The following PELI2 variants were observed in gnomAD, a reference collection of about 807,000 sequenced individuals.
PELI2 encodes the protein pellino E3 ubiquitin protein ligase family member 2, also known as E3 ubiquitin-protein ligase pellino homolog 2.
Under a neutral mutation model 42.3 loss-of-function variants are expected in PELI2, and 23 were observed. That is an observed-to-expected ratio of 0.54 (90% CI 0.39 to 0.77). The LOEUF (loss-of-function observed/expected upper bound fraction) is 0.77, where lower values mean the gene tolerates loss of function less well. Among genes scored for constraint, PELI2 ranks in the 30% least tolerant of loss-of-function variants. PELI2 has a pLI of 0.00. For missense variants in PELI2, 463 were observed against 553.2 expected, an observed-to-expected ratio of 0.84 and a Z score of 1.64; for synonymous variants, 245 against 212.2, an observed-to-expected ratio of 1.15 and a Z score of -1.34.
chr14:56,170,754 A>C (rs1330264962), intron 1 of PELI2, among the ~76,000 whole-genome samples: 1 of 152,220 alleles, frequency 6.6e-6, no homozygotes, highest in Non-Finnish European at 1.5e-5. Flanking sequence ...TTACTTGGTT[A>C]AGTTTCTTAC....
chr14:56,227,924 A>T (rs1022582020), intron 2 of PELI2, among the ~76,000 whole-genome samples: 1 of 152,262 alleles, frequency 6.6e-6, no homozygotes, highest in Non-Finnish European at 1.5e-5. Context: ...AGTAAATTTT[A>T]AAGTTACCCA....
At chr14:56,295,273 T>C (rs1346169795) in intron 5 of PELI2, among the ~76,000 whole-genome samples, 1 of 152,142 alleles carries the variant, frequency 6.6e-6, no homozygotes, top group Non-Finnish European at 1.5e-5. Context: ...AGTTCTTTTA[T>C]AGTTACCTAA....
chr14:56,205,369 G>A (rs903866875), intron 2 of PELI2, among the ~76,000 whole-genome samples: 3 of 152,136 alleles, frequency 2.0e-5, no homozygotes, highest in African/African-American at 4.8e-5. Context: ...TAATGTGAAC[G>A]AGTCTTGCTT....
intron 2 of PELI2, among the ~76,000 whole-genome samples, chr14:56,229,458 A>T (rs975134933): frequency 6.6e-6 from 1 of 152,216 alleles, no homozygotes; most frequent in Non-Finnish European, 1.5e-5. Context: ...TGCAGCCTCC[A>T]CTGGTGATAC....
At chr14:56,275,514 A>G (rs1023999684) in intron 2 of PELI2, among the ~76,000 whole-genome samples, 2 of 152,210 alleles carry the variant, frequency 1.3e-5, no homozygotes, top group African/African-American at 2.4e-5. Context: ...GATGGGAGAC[A>G]GTAACAGATC....
At chr14:56,119,520 C>T (rs1803496135) in intron 1 of PELI2, among the ~76,000 whole-genome samples, 1 of 152,206 alleles carries the variant, frequency 6.6e-6, no homozygotes, top group Admixed American at 6.5e-5. Flanking sequence ...CGCCTCGGCT[C>T]CCTCTCTGCT....
At chr14:56,131,419 C>T (rs1883477288) in intron 1 of PELI2, among the ~76,000 whole-genome samples, 1 of 152,164 alleles carries the variant, frequency 6.6e-6, no homozygotes, top group South Asian at 2.1e-4. Flanking sequence ...AAACAGGCAT[C>T]TTGAGATATC....
At chr14:56,125,981 A>G (rs1194911143) in intron 1 of PELI2, among the ~76,000 whole-genome samples, 3 of 152,216 alleles carry the variant, frequency 2.0e-5, no homozygotes, top group African/African-American at 2.4e-5. Context: ...CTGCTTCTGT[A>G]GCACAACTGC....
chr14:56,193,808 G>A (rs1886035405), intron 2 of PELI2, among the ~76,000 whole-genome samples: 3 of 152,204 alleles, frequency 2.0e-5, no homozygotes, highest in Non-Finnish European at 4.4e-5. Context: ...TTAAAGGGAA[G>A]TCAGCCTCCT....
intron 2 of PELI2, among the ~76,000 whole-genome samples, chr14:56,266,780 G>A (rs1374765134): frequency 1.3e-5 from 2 of 151,982 alleles, no homozygotes; most frequent in Non-Finnish European, 2.9e-5. Context: ...TATGCAAAAC[G>A]AATATCTGCA....
In PELI2 at chr14:56,287,771, A is replaced by G. The variant is rs1384260871; in HGVS notation, c.310-666A>G. Among the ~76,000 whole-genome samples the G allele has an allele frequency of 3.3e-5, 5 of 152,234 alleles. No individual in the cohort carries two copies. In the East Asian group the frequency reaches 9.6e-4, roughly 29 times the overall value. On this transcript the variant is annotated intron_variant, in intron 3 of 5. Transcript: ENST00000267460. ...GAAATGTAATATTGTTCCAGGAAGC[A>G]AGCTGAGCTAAGTGATACAAGATTT... is the stretch of plus-strand genomic sequence containing the variant.
intron 2 of PELI2, among the ~76,000 whole-genome samples, chr14:56,274,400 C>T (rs1037608405): frequency 6.6e-6 from 1 of 152,174 alleles, no homozygotes; most frequent in Admixed American, 6.5e-5. Context: ...AGAGCTAACA[C>T]TGCTTCTTAA....
intron 2 of PELI2, among the ~76,000 whole-genome samples, chr14:56,235,533 T>C (rs1566655901): frequency 6.6e-6 from 1 of 152,244 alleles, no homozygotes; most frequent in African/African-American, 2.4e-5. Flanking sequence ...CTAGAGCTGC[T>C]GGCCTAACTG....
intron 1 of PELI2, among the ~76,000 whole-genome samples, chr14:56,147,048 A>T (rs1884150939): frequency 6.6e-6 from 1 of 152,172 alleles, no homozygotes; most frequent in South Asian, 2.1e-4. Flanking sequence ...GTAGGATCAC[A>T]CAGGATTTAG....
intron 1 of PELI2, among the ~76,000 whole-genome samples, chr14:56,137,588 T>C (rs1228102333): frequency 6.6e-6 from 1 of 152,166 alleles, no homozygotes; most frequent in Non-Finnish European, 1.5e-5. Context: ...GAAAAGTGCG[T>C]CGTTTCCCCT....
At chr14:56,160,492 T>C (rs550025201) in intron 1 of PELI2, among the ~76,000 whole-genome samples, 1 of 152,218 alleles carries the variant, frequency 6.6e-6, no homozygotes, top group South Asian at 2.1e-4. Context: ...TTAATGAACA[T>C]GGGAGTGGTA....
At chr14:56,241,850 C>T (rs8009804) in intron 2 of PELI2, among the ~76,000 whole-genome samples, 43,460 of 151,992 alleles carry the variant, frequency 0.29, 7,175 homozygotes, top group African/African-American at 0.46. Context: ...TCAAGTACAA[C>T]GGTGGAACTA....
intron 3 of PELI2, among the ~76,000 whole-genome samples, chr14:56,281,958 G>A (rs977120342): frequency 1.3e-5 from 2 of 152,140 alleles, no homozygotes; most frequent in African/African-American, 4.8e-5. Context: ...AATTGGTATA[G>A]CATTTATGGG....
chr14:56,186,376 C>T (rs962393350), intron 2 of PELI2, among the ~76,000 whole-genome samples: 1 of 152,128 alleles, frequency 6.6e-6, no homozygotes, highest in Admixed American at 6.5e-5. Flanking sequence ...CCTGTCAGCC[C>T]CTTGATTTTG....
Sources: allele counts gnomAD v4.1 joint callset (sites outside exome capture counted in the v4.1 genomes callset), GRCh38; gene constraint gnomAD v4.1.1; transcripts MANE v1.5; gene names NCBI Gene and HGNC (gene_info 2026-07-23, HGNC 2026-07-21).